Variants in NOX4 observed in about 807,000 individuals in gnomAD.
NOX4 encodes the protein NADPH oxidase 4.
Under a neutral mutation model 87.6 loss-of-function variants are expected in NOX4, and 69 were observed. The observed-to-expected ratio is 0.79, with a 90% CI of 0.65 to 0.96. The LOEUF (loss-of-function observed/expected upper bound fraction) is 0.96, where lower values mean the gene tolerates loss of function less well. Ranked by LOEUF, NOX4 falls within the 40% of genes least tolerant of loss-of-function variation. The pLI is 0.00. For missense variants in NOX4, 680 were observed against 681.5 expected, an observed-to-expected ratio of 1.00 and a Z score of 0.02; for synonymous variants, 275 against 238.2, an observed-to-expected ratio of 1.15 and a Z score of -1.42.
the NOX4 span, among the ~76,000 whole-genome samples, chr11:89,563,324 T>A: frequency 6.6e-6 from 1 of 152,154 alleles, no homozygotes; most frequent in African/African-American, 2.4e-5. Flanking sequence ...ACCAGAAATT[T>A]CCACTGTTTA....
chr11:89,488,935 C>A, intron 2 of NOX4: 3 of 686,488 alleles, frequency 4.4e-6, no homozygotes, highest in South Asian at 1.6e-5. Context: ...ACTTGAGGGG[C>A]GAGGTGAGGT....
chr11:89,409,590 T>C (rs1565252811), intron 8 of NOX4, among the ~76,000 whole-genome samples: 2 of 151,718 alleles, frequency 1.3e-5, no homozygotes, highest in Non-Finnish European at 2.9e-5. Flanking sequence ...CAGCATAAAA[T>C]ATCAACAAAT....
the NOX4 span, among the ~76,000 whole-genome samples, chr11:89,506,259 G>T: frequency 8.5e-6 from 1 of 118,186 alleles, no homozygotes; most frequent in Non-Finnish European, 1.8e-5. Context: ...AAGAAAAAAA[G>T]AAAGAGAAAG....
intron 8 of NOX4, among the ~76,000 whole-genome samples, chr11:89,414,617 T>A (rs201613814): frequency 0.32 from 36,586 of 113,064 alleles, 7,547 homozygotes; most frequent in East Asian, 0.49. Context: ...TCACATTTTT[T>A]TTATTTTATT....
intron 11 of NOX4, among the ~76,000 whole-genome samples, chr11:89,387,509 T>C (rs1044862267): frequency 2.0e-5 from 3 of 152,142 alleles, no homozygotes; most frequent in Non-Finnish European, 4.4e-5. Context: ...AAAAGCTTTA[T>C]TGCTCACACA....
intron 2 of NOX4, among the ~76,000 whole-genome samples, chr11:89,464,873 T>C (rs1591321569): frequency 6.6e-6 from 1 of 152,228 alleles, no homozygotes; most frequent in Non-Finnish European, 1.5e-5. Context: ...AATTCATTTG[T>C]TGAAGCCCTA....
chr11:89,432,861 A>G lies in NOX4; in HGVS notation c.476-5T>C, dbSNP rs768933573. ...AGACCCCTGTCAGGCCAGGAACTAT[A>G]AAAATGTATACAAGTAGGTTTTTAC... On this transcript the variant is annotated splice_region_variant and splice_polypyrimidine_tract_variant and intron_variant, in intron 6 of 17. Coordinates refer to ENST00000263317, the MANE Select transcript of NOX4 (RefSeq NM_016931.5). 1.7e-5 allele frequency: 27 copies of G among 1,598,844 alleles called. No homozygotes were observed. The highest frequency in any genetic ancestry group is 2.1e-5 in the Non-Finnish European group (24 of 1,167,540).
intron 9 of NOX4, among the ~76,000 whole-genome samples, chr11:89,401,582 T>A (rs1941858330): frequency 6.6e-6 from 1 of 152,050 alleles, no homozygotes; most frequent in Admixed American, 6.6e-5. Context: ...ATAAAAGGTG[T>A]AATTTGCACG....
chr11:89,336,317 G>A (rs1945713958), intron 16 of NOX4, among the ~76,000 whole-genome samples: 2 of 151,916 alleles, frequency 1.3e-5, no homozygotes, highest in African/African-American at 4.8e-5. Flanking sequence ...AAGAACTGCA[G>A]TGTAAGACAA....
chr11:89,537,567 A>G, the NOX4 span, among the ~76,000 whole-genome samples: 2 of 152,096 alleles, frequency 1.3e-5, no homozygotes, highest in Admixed American at 1.3e-4. Context: ...AGATAGTTAA[A>G]TTTCAAAATG....
the NOX4 span, among the ~76,000 whole-genome samples, chr11:89,532,492 C>T: frequency 6.6e-6 from 1 of 152,120 alleles, no homozygotes; most frequent in African/African-American, 2.4e-5. Flanking sequence ...TTATTCAAGG[C>T]CTGTACCTCC....
intron 2 of NOX4, among the ~76,000 whole-genome samples, chr11:89,481,435 T>C (rs1434335058): frequency 2.0e-5 from 3 of 152,038 alleles, no homozygotes; most frequent in Non-Finnish European, 2.9e-5. Context: ...TCTCATGTTG[T>C]CCTTCCATCT....
At chr11:89,548,970 G>T in the NOX4 span, among the ~76,000 whole-genome samples, 2 of 152,174 alleles carry the variant, frequency 1.3e-5, no homozygotes, top group African/African-American at 2.4e-5. Flanking sequence ...TCTCATAAAG[G>T]TTTCATGTGT....
chr11:89,396,401 T>G (rs1941486704), intron 11 of NOX4, among the ~76,000 whole-genome samples: 1 of 152,140 alleles, frequency 6.6e-6, no homozygotes, highest in Non-Finnish European at 1.5e-5. Context: ...AAGGAGATTT[T>G]GGGCTGAGAC....
chr11:89,475,302 A>T (rs921322434), intron 2 of NOX4, among the ~76,000 whole-genome samples: 1 of 152,078 alleles, frequency 6.6e-6, no homozygotes, highest in Non-Finnish European at 1.5e-5. Context: ...GAAAACAATT[A>T]GTAAATATAA....
intron 11 of NOX4, among the ~76,000 whole-genome samples, chr11:89,395,852 C>A (rs568053514): frequency 1.3e-5 from 2 of 152,170 alleles, no homozygotes; most frequent in South Asian, 4.2e-4. Flanking sequence ...TGTTCTGTTC[C>A]ATTGGTCTAT....
At chr11:89,427,631 G>C (rs1173455416) in intron 7 of NOX4, among the ~76,000 whole-genome samples, 1 of 152,166 alleles carries the variant, frequency 6.6e-6, no homozygotes, top group East Asian at 1.9e-4. Flanking sequence ...AGTGATTGAA[G>C]ATCAAATGAA....
chr11:89,394,266 G>T (rs1420771555), intron 11 of NOX4, among the ~76,000 whole-genome samples: 1 of 152,104 alleles, frequency 6.6e-6, no homozygotes, highest in Non-Finnish European at 1.5e-5. Context: ...ATACTAAAAA[G>T]TAAACTAACC....
chr11:89,502,488 T>G (rs887146119), upstream of NOX4, among the ~76,000 whole-genome samples: 1 of 152,058 alleles, frequency 6.6e-6, no homozygotes, highest in Non-Finnish European at 1.5e-5. Context: ...CTCTAGGAGA[T>G]AGTTGAGCAA....
Sources: allele counts gnomAD v4.1 joint callset (sites outside exome capture counted in the v4.1 genomes callset), GRCh38; gene constraint gnomAD v4.1.1; transcripts MANE v1.5; gene names NCBI Gene and HGNC (gene_info 2026-07-23, HGNC 2026-07-21).